The following NR1H3 variants were observed in gnomAD, a reference collection of about 807,000 sequenced individuals.
The protein encoded by NR1H3 is nuclear receptor subfamily 1 group H member 3.
Under a neutral mutation model 48.1 loss-of-function variants are expected in NR1H3, and 19 were observed. The observed-to-expected ratio is 0.40, with a 90% CI of 0.28 to 0.58. The LOEUF is 0.58. NR1H3 is among the 20% of genes least tolerant of loss of function. NR1H3 has a pLI of 0.50. For missense variants in NR1H3, 486 were observed against 595.9 expected, an observed-to-expected ratio of 0.82 and a Z score of 1.92; for synonymous variants, 232 against 227.3, an observed-to-expected ratio of 1.02 and a Z score of -0.19.
chr11:47,250,145 G>A (rs11039147), intron 1 of NR1H3, among the ~76,000 whole-genome samples: 39 of 152,074 alleles, frequency 2.6e-4, no homozygotes, highest in African/African-American at 8.7e-4. Flanking sequence ...GGTGGCTCAC[G>A]TTTCTAATCC....
intron 1 of NR1H3, chr11:47,258,665 T>TTA (rs993343018): frequency 1.3e-5 from 2 of 154,200 alleles, no homozygotes; most frequent in African/African-American, 4.8e-5. Context: ...AGTTTAAGAA[T>TTA]AGTCCTGAGC....
At chr11:47,248,403 C>G, upstream of NR1H3, 1 of 1,523,840 alleles carries the variant, frequency 6.6e-7, no homozygotes, top group Admixed American at 2.0e-5. Flanking sequence ...GTGGGGACAA[C>G]TGGGGAAAAA....
At chr11:47,257,797 T>TGGCCGGGAGTAGG, upstream of NR1H3, 1 of 477,006 alleles carries the variant, frequency 2.1e-6, no homozygotes, top group South Asian at 9.8e-5. Flanking sequence ...GCCACTGTTT[T>TGGCCGGGAGTAGG]GGCCGGGAGT....
At position 47,261,425 on chromosome 11, in the gene NR1H3, C is replaced by T; in HGVS notation, c.684C>T (p.Ser228=). ...VAAQQQCNRR[S]FSDRLRVTPW... ...CCCAGCAACAGTGTAACCGGCGCTC[C>T]TTTTCTGACCGGCTTCGAGTCACGG... Residue 228 remains serine (S), a synonymous_variant, in exon 5 of 10, where the codon TCC becomes TCT. Transcript: ENST00000441012. The T allele has an allele frequency of 1.2e-6, 2 of 1,614,178 alleles. No homozygotes were observed. Among genetic ancestry groups the T allele is most frequent in the Non-Finnish European group, 8.5e-7 (1 of 1,180,028 alleles).
upstream of NR1H3, among the ~76,000 whole-genome samples, chr11:47,255,539 CTTTTTCTTTCTT>C (rs1343471000): frequency 1.2e-3 from 137 of 110,578 alleles, 1 homozygote; most frequent in Admixed American, 1.8e-3. Context: ...TTCTTTCTTT[CTTTTTCTTTCTT>C]TCTTTCTTTC....
chr11:47,253,894 G>A (rs562116496), upstream of NR1H3, among the ~76,000 whole-genome samples: 9 of 152,160 alleles, frequency 5.9e-5, no homozygotes, highest in Non-Finnish European at 1.0e-4. Context: ...CGGGGGTGGG[G>A]CTGCCAAAGT....
Position 47,259,789 on chromosome 11 carries a change from A to C in NR1H3, c.44-2A>C. 6.2e-7 allele frequency: 1 copy of C among 1,612,028 alleles called. No homozygotes were observed. The highest frequency in any genetic ancestry group is 1.1e-5 in the South Asian group (1 of 90,982). On this transcript the variant is annotated splice_acceptor_variant, in intron 2 of 9. Transcript: ENST00000441012. LOFTEE classifies it high-confidence loss of function. ...CCCTTGTGCCTCTCTTTTGGAGCTC[A>C]GACTCTGCGGTGGAGCTGTGGAAGC...
upstream of NR1H3, among the ~76,000 whole-genome samples, chr11:47,255,569 CTTTCTTTCTTTCTTTCTTTCTTTCTT>C (rs1565178354): frequency 1.5e-4 from 13 of 87,988 alleles, no homozygotes; most frequent in South Asian, 4.3e-4. Flanking sequence ...TTCTTTCTTT[CTTTCTTTCTTTCTTTCTTTCTTTCTT>C]TCTCTCTCTC....
chr11:47,248,355 G>T, upstream of NR1H3: 2 of 1,302,828 alleles, frequency 1.5e-6, no homozygotes, highest in Non-Finnish European at 2.1e-6. Flanking sequence ...CCAAGGTACA[G>T]GTAGGAAGGG....
chr11:47,255,575 TTCTTTCTTTCTTTCTTTCTTTCTC>T (rs1434641977), upstream of NR1H3, among the ~76,000 whole-genome samples: 1 of 81,614 alleles, frequency 1.2e-5, no homozygotes, highest in African/African-American at 6.6e-5. Flanking sequence ...CTTTCTTTCT[TTCTTTCTTTCTTTCTTTCTTTCTC>T]TCTCTCTCTC....
chr11:47,260,277 T>C (rs1175130433), intron 3 of NR1H3, 132 bp from the exon 4 acceptor site: 1 of 1,287,746 alleles, frequency 7.8e-7, no homozygotes, highest in Non-Finnish European at 1.1e-6. Flanking sequence ...GCTACTCTTC[T>C]CATAAAAGAG....
At chr11:47,259,718 C>A (rs1955623346) in intron 2 of NR1H3, 73 bp from the exon 3 acceptor site, 1 of 1,600,926 alleles carries the variant, frequency 6.2e-7, no homozygotes, top group Non-Finnish European at 8.5e-7. Flanking sequence ...TTTGCAGTTT[C>A]CCAGCTAGGA....
upstream of NR1H3, chr11:47,248,651 C>T (rs766547026): frequency 6.3e-7 from 1 of 1,597,824 alleles, no homozygotes; most frequent in East Asian, 2.3e-5. Context: ...TCAGGGAAGT[C>T]TTTGGTGAGC....
chr11:47,248,416 A>G (rs2135547761), upstream of NR1H3: 1 of 1,533,132 alleles, frequency 6.5e-7, no homozygotes. Flanking sequence ...GGGAAAAAAG[A>G]TAACCAAAGG....
intron 8 of NR1H3, 58 bp from the exon 9 acceptor site, chr11:47,268,203 G>A: frequency 6.6e-7 from 1 of 1,505,328 alleles, no homozygotes; most frequent in Non-Finnish European, 9.2e-7. Context: ...GTTGCAATTT[G>A]GGGTATGGAA....
chr11:47,261,686 G>C lies in NR1H3; in HGVS notation c.848G>C (p.Arg283Pro). 1.9e-6 allele frequency: 3 copies of C among 1,614,124 alleles called. No homozygotes were observed. Among genetic ancestry groups the C allele is most frequent in the Non-Finnish European group, 2.5e-6 (3 of 1,180,040 alleles). ...KQLPGFLQLS[R>P]EDQIALLKTS... ...CTACCCGGCTTCCTGCAGCTCAGCC[G>C]GGAGGACCAGATTGCCCTGCTGAAG... is the stretch of plus-strand genomic sequence containing the variant. The change falls in exon 6 of 10, where the codon CGG (arginine) becomes CCG (proline). Residue 283 changes from arginine to proline, a missense_variant. Transcript: ENST00000441012.
Position 47,261,257 on chromosome 11 carries a change from A to G in NR1H3, c.516A>G (p.Glu172=), listed in dbSNP as rs954240193. The G allele has an allele frequency of 6.2e-7, 1 of 1,613,108 alleles. No homozygotes were observed. Among genetic ancestry groups the G allele is most frequent in the Non-Finnish European group, 8.5e-7 (1 of 1,179,896 alleles). ...TGTCCTTAGGTGTCCTGTCAGAAGAACAGATCCGCCTGAAGAAACTGAAGC... is the reference window on the plus strand; with the variant it reads ...TGTCCTTAGGTGTCCTGTCAGAAGAGCAGATCCGCCTGAAGAAACTGAAGC... The part of the protein sequence containing the change: ...GMREECVLSE[E]QIRLKKLKRQ... Residue 172 remains glutamate, a synonymous_variant, in exon 5 of 10, where the codon GAA becomes GAG. Transcript: ENST00000441012.
chr11:47,260,554 C>T lies in NR1H3; in HGVS notation c.378C>T (p.Val126=). Residue 126 remains valine (V), a synonymous_variant, in exon 4 of 10, where the codon GTC becomes GTT. Coordinates refer to ENST00000441012, the MANE Select transcript of NR1H3 (RefSeq NM_005693.4). ...EGCKGFFRRS[V]IKGAHYICHS... is the part of the protein sequence containing the mutation. The stretch of plus-strand genomic sequence containing the variant: ...GCAAGGGATTCTTCCGCCGCAGCGT[C>T]ATCAAGGGAGCGCACTACATCTGCC... 1 of 1,614,250 alleles carries T rather than the reference C, an allele frequency of 6.2e-7. No homozygotes were observed. The highest frequency in any genetic ancestry group is 8.5e-7 in the Non-Finnish European group (1 of 1,180,046).
chr11:47,251,751 G>A (rs1954674584), intron 1 of NR1H3, among the ~76,000 whole-genome samples: 2 of 152,198 alleles, frequency 1.3e-5, no homozygotes, highest in African/African-American at 2.4e-5. Context: ...CTTTCAGAGT[G>A]TAAATCTTTG....
Sources: allele counts gnomAD v4.1 joint callset (sites outside exome capture counted in the v4.1 genomes callset), GRCh38; gene constraint gnomAD v4.1.1; transcripts MANE v1.5; gene names NCBI Gene and HGNC (gene_info 2026-07-23, HGNC 2026-07-21).